The following ESRRG variants were observed in gnomAD, a reference collection of about 807,000 sequenced individuals.
ESRRG encodes the protein estrogen-related receptor gamma.
Under a neutral mutation model 44.0 loss-of-function variants are expected in ESRRG, and 13 were observed. The ratio of observed to expected loss-of-function variants is 0.30; its 90% CI spans 0.19 to 0.47. The LOEUF is 0.47. ESRRG is among the 20% of genes least tolerant of loss of function. The pLI is 1.00. For synonymous variants in ESRRG, 215 were observed against 214.6 expected, an observed-to-expected ratio of 1.00 and a Z score of -0.02; for missense variants, 395 against 580.6, an observed-to-expected ratio of 0.68 and a Z score of 3.29.
chr1:216,773,921 C>T (rs1207394325), intron 2 of ESRRG, among the ~76,000 whole-genome samples: 1 of 151,984 alleles, frequency 6.6e-6, no homozygotes, highest in Non-Finnish European at 1.5e-5. Flanking sequence ...TATATAAGTA[C>T]TAGATAATTA....
chr1:217,021,594 C>T (rs2080336263), intron 1 of ESRRG, among the ~76,000 whole-genome samples: 1 of 152,188 alleles, frequency 6.6e-6, no homozygotes, highest in Non-Finnish European at 1.5e-5. Flanking sequence ...CCATCCACCT[C>T]TCCATGACTC....
At chr1:216,558,874 T>C (rs1043140804) in intron 5 of ESRRG, among the ~76,000 whole-genome samples, 2 of 151,208 alleles carry the variant, frequency 1.3e-5, no homozygotes, top group Non-Finnish European at 2.9e-5. Flanking sequence ...TTTTTTGTTT[T>C]TTTGTTTTTT....
chr1:217,060,765 T>C (rs1014504018), intron 1 of ESRRG, among the ~76,000 whole-genome samples: 2 of 142,008 alleles, frequency 1.4e-5, no homozygotes, highest in Non-Finnish European at 3.2e-5. Context: ...CTTTGAGTAA[T>C]AAAATCAAAA....
At chr1:216,819,216 GTTTC>G (rs1218404741) in intron 2 of ESRRG, among the ~76,000 whole-genome samples, 2 of 152,078 alleles carry the variant, frequency 1.3e-5, no homozygotes, top group Non-Finnish European at 2.9e-5. Flanking sequence ...GTGTAAAAGT[GTTTC>G]TTTTTCTCCA....
chr1:217,016,130 C>A (rs1001755587), intron 1 of ESRRG, among the ~76,000 whole-genome samples: 20 of 151,782 alleles, frequency 1.3e-4, no homozygotes, highest in African/African-American at 4.1e-4. Context: ...GGAAAAGAAG[C>A]GAGTGATAGT....
chr1:216,526,924 G>A (rs963414420), intron 5 of ESRRG, among the ~76,000 whole-genome samples: 1 of 152,072 alleles, frequency 6.6e-6, no homozygotes. Context: ...AAAACTAGAA[G>A]GTAGAAAAAG....
chr1:216,590,598 C>T (rs7519402), intron 3 of ESRRG, among the ~76,000 whole-genome samples: 70,758 of 152,008 alleles, frequency 0.47, 18,320 homozygotes, highest in African/African-American at 0.71. Flanking sequence ...CATTAATATG[C>T]TTTCTGTGCT....
chr1:216,714,975 C>T (rs944275706), intron 1 of ESRRG: 5 of 562,322 alleles, frequency 8.9e-6, no homozygotes, highest in Non-Finnish European at 1.1e-5. Flanking sequence ...AGGAAAGAAT[C>T]TCTGCCTGAG....
intron 1 of ESRRG, among the ~76,000 whole-genome samples, chr1:217,029,194 ATGAAG>A (rs1201781108): frequency 6.6e-6 from 1 of 152,240 alleles, no homozygotes; most frequent in Non-Finnish European, 1.5e-5. Context: ...GTACTAGCTA[ATGAAG>A]TGTTCAGCTT....
intron 2 of ESRRG, among the ~76,000 whole-genome samples, chr1:216,931,835 C>CAAAAAAAAAAAAAAAAAAAAAAAAAAAA (rs56050369): frequency 7.6e-6 from 1 of 130,978 alleles, no homozygotes; most frequent in Non-Finnish European, 1.6e-5. Context: ...TGAGAAACCA[C>CAAAAAAAAAAAAAAAAAAAAAAAAAAAA]AAAAAAAAAA....
chr1:216,609,183 G>A (rs2060304235), intron 3 of ESRRG, among the ~76,000 whole-genome samples: 1 of 152,162 alleles, frequency 6.6e-6, no homozygotes. Flanking sequence ...CTGCTACATA[G>A]GATTTCCCAC....
chr1:216,586,019 G>A (rs2149894532), intron 3 of ESRRG, among the ~76,000 whole-genome samples: 1 of 123,468 alleles, frequency 8.1e-6, no homozygotes, highest in East Asian at 2.6e-4. Context: ...CAGTGTGGAA[G>A]ACAGAGGGAT....
At chr1:216,904,701 G>C (rs531237474) in intron 2 of ESRRG, among the ~76,000 whole-genome samples, 1 of 152,152 alleles carries the variant, frequency 6.6e-6, no homozygotes, top group Non-Finnish European at 1.5e-5. Context: ...CCCGGCTGTG[G>C]CGTGATCATT....
chr1:216,589,903 C>CAAAAA (rs58458686), intron 3 of ESRRG, among the ~76,000 whole-genome samples: 435 of 32,236 alleles, frequency 0.013, 140 homozygotes, highest in Middle Eastern at 0.045. Context: ...AACTCTGTCT[C>CAAAAA]AAAAAAAAAA....
intron 1 of ESRRG, among the ~76,000 whole-genome samples, chr1:216,702,216 C>T (rs1041499731): frequency 6.6e-6 from 1 of 152,086 alleles, no homozygotes; most frequent in African/African-American, 2.4e-5. Context: ...TTAAATAACA[C>T]CTTTGATGAA....
chr1:217,040,787 T>C (rs2083721707), intron 1 of ESRRG, among the ~76,000 whole-genome samples: 1 of 152,148 alleles, frequency 6.6e-6, no homozygotes, highest in African/African-American at 2.4e-5. Flanking sequence ...CAAACCAATT[T>C]GTCTCCAAAT....
intron 1 of ESRRG, among the ~76,000 whole-genome samples, chr1:216,951,436 C>A (rs944889535): frequency 6.6e-6 from 1 of 152,034 alleles, no homozygotes; most frequent in African/African-American, 2.4e-5. Context: ...TTAAATTTTC[C>A]ATTTTTAAGC....
intron 2 of ESRRG, among the ~76,000 whole-genome samples, chr1:216,740,980 C>G (rs1322377732): frequency 6.6e-6 from 1 of 151,632 alleles, no homozygotes; most frequent in Admixed American, 6.6e-5. Context: ...AGTGTTAATT[C>G]TCAGATAAAT....
chr1:216,763,988 G>C (rs188659777), intron 2 of ESRRG, among the ~76,000 whole-genome samples: 1 of 152,098 alleles, frequency 6.6e-6, no homozygotes. Context: ...ATTCAGGACA[G>C]ATTGAAATAA....
Sources: gnomAD v4.1 joint callset for allele counts (sites outside exome capture counted in the v4.1 genomes callset) on GRCh38, gnomAD v4.1.1 for gene constraint, MANE v1.5 for transcripts, NCBI Gene and HGNC (gene_info 2026-07-23, HGNC 2026-07-21) for gene names.